MARCHF1: variants seen among roughly 807,000 people sequenced by gnomAD.
MARCHF1 encodes the protein membrane associated ring-CH-type finger 1, also known as E3 ubiquitin-protein ligase MARCHF1.
MARCHF1 carries 40 observed loss-of-function variants against 54.2 expected under a neutral mutation model. That is an observed-to-expected ratio of 0.74 (90% CI 0.57 to 0.96). The LOEUF is 0.96. Ranked by LOEUF, MARCHF1 falls within the 40% of genes least tolerant of loss-of-function variation. The pLI, the probability that MARCHF1 is intolerant of heterozygous loss-of-function variation, is 0.00. For missense variants in MARCHF1, 586 were observed against 656.5 expected, an observed-to-expected ratio of 0.89 and a Z score of 1.17; for synonymous variants, 236 against 236.3, an observed-to-expected ratio of 1.00 and a Z score of 0.01.
intron 1 of MARCHF1, among the ~76,000 whole-genome samples, chr4:164,186,113 G>A (rs946931739): frequency 2.6e-5 from 4 of 152,026 alleles, no homozygotes; most frequent in Admixed American, 2.0e-4. Flanking sequence ...GGCTGGTCTC[G>A]AACTTCTGAC....
intron 2 of MARCHF1, among the ~76,000 whole-genome samples, chr4:164,008,168 A>T (rs1482151827): frequency 6.6e-6 from 1 of 152,196 alleles, no homozygotes; most frequent in Non-Finnish European, 1.5e-5. Context: ...GAAACCAATA[A>T]AGAGCAGAAG....
chr4:164,148,002 C>CATT (rs1729811045), intron 1 of MARCHF1, among the ~76,000 whole-genome samples: 1 of 151,768 alleles, frequency 6.6e-6, no homozygotes, highest in Non-Finnish European at 1.5e-5. Context: ...AAACAAAATA[C>CATT]ATTCATATTT....
At chr4:163,915,165 A>G (rs999913262) in intron 3 of MARCHF1, among the ~76,000 whole-genome samples, 17 of 152,192 alleles carry the variant, frequency 1.1e-4, no homozygotes, top group Admixed American at 1.0e-3. Context: ...AAGATTGGAA[A>G]TGAGTGGAGA....
intron 2 of MARCHF1, among the ~76,000 whole-genome samples, chr4:164,110,123 TACAC>T (rs70948699): frequency 0.08 from 11,670 of 145,708 alleles, 512 homozygotes; most frequent in Middle Eastern, 0.15. Flanking sequence ...GAATTGGAGA[TACAC>T]ACACACACAC....
intron 9 of MARCHF1, among the ~76,000 whole-genome samples, chr4:163,538,328 A>ATTT: frequency 9.3e-6 from 1 of 107,690 alleles, no homozygotes; most frequent in Admixed American, 8.7e-5. Flanking sequence ...AAATTTATAA[A>ATTT]TTTTTTTTTT....
chr4:164,188,997 T>C, intron 1 of MARCHF1: 1 of 709,624 alleles, frequency 1.4e-6, no homozygotes, highest in African/African-American at 1.7e-5. Flanking sequence ...GCAGCTGCTA[T>C]TGGTTATGGC....
At chr4:164,285,641 AC>A (rs969117539) in intron 1 of MARCHF1, among the ~76,000 whole-genome samples, 1 of 151,540 alleles carries the variant, frequency 6.6e-6, no homozygotes, top group African/African-American at 2.4e-5. Flanking sequence ...ACGGGGTTTC[AC>A]CGTGTTAGCC....
At chr4:163,614,936 C>T (rs563050401) in intron 5 of MARCHF1, among the ~76,000 whole-genome samples, 18 of 152,024 alleles carry the variant, frequency 1.2e-4, no homozygotes, top group African/African-American at 4.1e-4. Context: ...AAAGGGAAAC[C>T]CTGAGGAAGG....
intron 1 of MARCHF1, among the ~76,000 whole-genome samples, chr4:164,234,129 T>C (rs185945754): frequency 6.6e-6 from 1 of 152,270 alleles, no homozygotes; most frequent in African/African-American, 2.4e-5. Context: ...AAAGTCACAA[T>C]GGAATTGCTA....
At chr4:163,813,148 CACTTGCCACTG>C (rs150814056) in intron 4 of MARCHF1, among the ~76,000 whole-genome samples, 1,817 of 152,280 alleles carry the variant, frequency 0.012, 22 homozygotes, top group African/African-American at 0.021. Context: ...TCAGCTCATA[CACTTGCCACTG>C]ACACTTCCAG....
intron 5 of MARCHF1, among the ~76,000 whole-genome samples, chr4:163,656,343 A>G (rs1315288269): frequency 6.6e-6 from 1 of 152,078 alleles, no homozygotes; most frequent in African/African-American, 2.4e-5. Flanking sequence ...ATACCCTTCC[A>G]AGACTGAACC....
chr4:164,169,085 T>G (rs74488892), intron 1 of MARCHF1, among the ~76,000 whole-genome samples: 4 of 152,208 alleles, frequency 2.6e-5, no homozygotes, highest in Admixed American at 2.0e-4. Context: ...ACGTAGATTT[T>G]AGCTGCCCTT....
At chr4:164,250,728 A>G (rs902301824) in intron 1 of MARCHF1, among the ~76,000 whole-genome samples, 1 of 152,168 alleles carries the variant, frequency 6.6e-6, no homozygotes, top group Non-Finnish European at 1.5e-5. Context: ...ATTTTCTTAA[A>G]TTACTAGAAG....
intron 1 of MARCHF1, among the ~76,000 whole-genome samples, chr4:164,361,860 T>G (rs2110927529): frequency 6.6e-6 from 1 of 152,234 alleles, no homozygotes; most frequent in Non-Finnish European, 1.5e-5. Flanking sequence ...AGCACATGAT[T>G]TAATTTACAT....
intron 2 of MARCHF1, among the ~76,000 whole-genome samples, chr4:163,991,334 T>C (rs1752963447): frequency 6.6e-6 from 1 of 152,188 alleles, no homozygotes; most frequent in African/African-American, 2.4e-5. Flanking sequence ...AACATGCTTT[T>C]AATACTTTGT....
intron 5 of MARCHF1, among the ~76,000 whole-genome samples, chr4:163,625,007 GT>G (rs1388456015): frequency 2.0e-5 from 3 of 152,102 alleles, no homozygotes; most frequent in African/African-American, 7.2e-5. Context: ...CAAAAGACCA[GT>G]TTGGGATTTT....
In MARCHF1 at chr4:164,303,948, C is replaced by T. The variant is rs549152924; in HGVS notation, c.-323+79922G>A. 2.0e-5 allele frequency among the ~76,000 whole-genome samples: 3 copies of T among 152,342 alleles called. No homozygotes were observed. In the East Asian group the frequency reaches 5.8e-4, roughly 29 times the overall value. On this transcript the variant is annotated intron_variant, in intron 1 of 9. Transcript: ENST00000514618. ...TCCGAGTGATGAATCCAAATAAAAG[C>T]TTTCCTATCCCTATTTACCGCATGC...
chr4:163,901,952 T>C (rs1560811587), intron 3 of MARCHF1, among the ~76,000 whole-genome samples: 3 of 152,314 alleles, frequency 2.0e-5, no homozygotes, highest in Non-Finnish European at 4.4e-5. Flanking sequence ...AATGGAATTA[T>C]ACCACAGCAT....
intron 4 of MARCHF1, among the ~76,000 whole-genome samples, chr4:163,718,853 T>C (rs972010015): frequency 6.6e-6 from 1 of 152,210 alleles, no homozygotes; most frequent in Non-Finnish European, 1.5e-5. Flanking sequence ...TTCTCTGATA[T>C]TGTTCCAGCC....
Sources: gnomAD v4.1 joint callset for allele counts (sites outside exome capture counted in the v4.1 genomes callset) on GRCh38, gnomAD v4.1.1 for gene constraint, MANE v1.5 for transcripts, NCBI Gene and HGNC (gene_info 2026-07-23, HGNC 2026-07-21) for gene names.